COG5: variants seen among roughly 807,000 people sequenced by gnomAD.
COG5 encodes conserved oligomeric Golgi complex subunit 5.
In COG5, 86 loss-of-function variants were observed where a neutral mutation model predicts 110.4. The ratio of observed to expected loss-of-function variants is 0.78; its 90% confidence interval spans 0.65 to 0.93. COG5 has a LOEUF of 0.93. Ranked by LOEUF, COG5 falls within the 40% of genes least tolerant of loss-of-function variation. The pLI, the probability that COG5 is intolerant of heterozygous loss-of-function variation, is 0.00. For missense variants in COG5, 1,077 were observed against 987.0 expected (o/e 1.09, Z -1.22); for synonymous variants, 360 against 334.6 (o/e 1.08, Z -0.83).
intron 5 of COG5, among the ~76,000 whole-genome samples, chr7:107,545,779 CAAAA>C (rs59515448): frequency 2.6e-4 from 18 of 69,830 alleles, no homozygotes; most frequent in African/African-American, 8.6e-4. Flanking sequence ...GACTCCATCT[CAAAA>C]AAAAAAAAAA....
intron 19 of COG5, among the ~76,000 whole-genome samples, chr7:107,215,248 G>T (rs549430010): frequency 1.3e-5 from 2 of 152,184 alleles, no homozygotes; most frequent in African/African-American, 4.8e-5. Context: ...AGGAAACAAA[G>T]CATCCACAAA....
chr7:107,442,817 C>T (rs998391707), intron 6 of COG5, among the ~76,000 whole-genome samples: 28 of 151,796 alleles, frequency 1.8e-4, no homozygotes, highest in Admixed American at 1.8e-3. Flanking sequence ...AAAGAAACAC[C>T]AGAAAGAAAG....
chr7:107,518,582 A>C (rs1800110114), intron 6 of COG5, among the ~76,000 whole-genome samples: 1 of 152,198 alleles, frequency 6.6e-6, no homozygotes, highest in Admixed American at 6.5e-5. Flanking sequence ...TATAATCATA[A>C]ATGGATCAAT....
At chr7:107,403,878 G>T (rs1325376838) in intron 7 of COG5, among the ~76,000 whole-genome samples, 2 of 151,734 alleles carry the variant, frequency 1.3e-5, no homozygotes, top group Non-Finnish European at 2.9e-5. Context: ...CAATTTATCT[G>T]CAAATTACAG....
At chr7:107,518,149 CTG>C in intron 6 of COG5, among the ~76,000 whole-genome samples, 1 of 152,172 alleles carries the variant, frequency 6.6e-6, no homozygotes, top group South Asian at 2.1e-4. Flanking sequence ...GCAAGAGCTA[CTG>C]AAGGAAGCAC....
chr7:107,314,367 A>AAAACTC (rs1208551687), intron 11 of COG5, among the ~76,000 whole-genome samples: 2 of 152,100 alleles, frequency 1.3e-5, no homozygotes, highest in African/African-American at 4.8e-5. Context: ...TAAAATTTGA[A>AAAACTC]AAACTCATCT....
intron 18 of COG5, 109 bp from the exon 19 acceptor site, chr7:107,230,800 TG>T: frequency 1.2e-6 from 1 of 843,948 alleles, no homozygotes; most frequent in South Asian, 1.4e-5. Flanking sequence ...TAATTTTATC[TG>T]GACTGTAAGG....
At chr7:107,281,511 T>C (rs1805164387) in intron 13 of COG5, 112 bp from the exon 14 acceptor site, 1 of 796,358 alleles carries the variant, frequency 1.3e-6, no homozygotes, top group Non-Finnish European at 2.1e-6. Context: ...TTTTTATAGA[T>C]TTCACTGCTT....
intron 11 of COG5, among the ~76,000 whole-genome samples, chr7:107,316,012 G>C (rs1808702322): frequency 6.6e-6 from 1 of 152,108 alleles, no homozygotes; most frequent in Non-Finnish European, 1.5e-5. Flanking sequence ...TTAAAAAGTA[G>C]GTCATTGCTT....
intron 19 of COG5, among the ~76,000 whole-genome samples, chr7:107,213,286 C>T (rs1799303669): frequency 6.6e-6 from 1 of 152,162 alleles, no homozygotes; most frequent in South Asian, 2.1e-4. Context: ...AAGAGATGCC[C>T]ACCACAGTGC....
At chr7:107,215,045 G>A (rs912787312) in intron 19 of COG5, among the ~76,000 whole-genome samples, 1 of 151,832 alleles carries the variant, frequency 6.6e-6, no homozygotes, top group Non-Finnish European at 1.5e-5. Context: ...AAAATGTAGA[G>A]TTGTTGTATG....
At chr7:107,435,724 G>T (rs1450421047) in intron 6 of COG5, among the ~76,000 whole-genome samples, 2 of 152,096 alleles carry the variant, frequency 1.3e-5, no homozygotes, top group African/African-American at 4.8e-5. Context: ...CAGTTTCTGT[G>T]GAAAATGGTA....
At chr7:107,326,694 C>A (rs1394774295) in intron 10 of COG5, among the ~76,000 whole-genome samples, 1 of 152,088 alleles carries the variant, frequency 6.6e-6, no homozygotes, top group East Asian at 1.9e-4. Flanking sequence ...GTTGGAAGAC[C>A]TAATAATGTT....
chr7:107,292,929 T>C (rs1388647026), intron 12 of COG5, among the ~76,000 whole-genome samples: 3 of 152,176 alleles, frequency 2.0e-5, no homozygotes, highest in Non-Finnish European at 4.4e-5. Context: ...TGGAAAACTT[T>C]GTAATTTTGA....
chr7:107,258,978 T>TA (rs1410774670), intron 14 of COG5, among the ~76,000 whole-genome samples: 2 of 151,778 alleles, frequency 1.3e-5, no homozygotes, highest in African/African-American at 4.8e-5. Context: ...TTTTATAGAT[T>TA]AAAAAAAAGC....
chr7:107,203,173 A>G lies in COG5; in HGVS notation c.*343T>C. ...TGGGGGAAGCAGGGTACATGTTATAACTTGATCATATCCCTTTAAAAGAAG... is the reference window on the plus strand; with the variant it reads ...TGGGGGAAGCAGGGTACATGTTATAGCTTGATCATATCCCTTTAAAAGAAG... On this transcript the variant is annotated 3_prime_UTR_variant, in exon 22 of 22. Coordinates refer to ENST00000297135, the MANE Select transcript of COG5 (RefSeq NM_006348.5). 1 of 335,654 alleles carries G rather than the reference A, an allele frequency of 3.0e-6. No homozygotes were observed. The highest frequency in any genetic ancestry group is 5.7e-6 in the Non-Finnish European group (1 of 174,808). 20.8% of individuals were successfully genotyped at this position (335,654 alleles called of 1,614,324 possible). A position where few individuals can be genotyped will look rare whatever the true frequency, so the allele number is the denominator to read the frequency against.
intron 19 of COG5, among the ~76,000 whole-genome samples, chr7:107,225,037 T>A (rs1252874621): frequency 6.6e-6 from 1 of 152,152 alleles, no homozygotes; most frequent in Non-Finnish European, 1.5e-5. Context: ...AAGGCCTGTG[T>A]GTGTGTATGT....
rs746675115 is a variant in COG5, at chr7:107,201,386, T to G, written c.*2130A>C. 3.4e-6 allele frequency: 5 copies of G among 1,472,998 alleles called. No individual in the cohort carries two copies. The highest frequency in any genetic ancestry group is 4.7e-6 in the Non-Finnish European group (5 of 1,054,282). The allele number at this position is 1,472,998 out of a possible 1,614,324, so 91.2% of individuals were successfully genotyped here. On this transcript the variant is annotated 3_prime_UTR_variant, in exon 22 of 22. Transcript: ENST00000297135. ...ATTACTATGTATTGATTTGTAAACATTCACTGAGTTTAATTTTATTTCCAC... is the reference window on the plus strand; with the variant it reads ...ATTACTATGTATTGATTTGTAAACAGTCACTGAGTTTAATTTTATTTCCAC...
intron 10 of COG5, among the ~76,000 whole-genome samples, chr7:107,334,794 C>T (rs1810569616): frequency 6.6e-6 from 1 of 150,468 alleles, no homozygotes; most frequent in Non-Finnish European, 1.5e-5. Context: ...AAAAAAAAAA[C>T]AGTAATATGC....
Sources: gnomAD v4.1 joint callset for allele counts (sites outside exome capture counted in the v4.1 genomes callset) on GRCh38, gnomAD v4.1.1 for gene constraint, MANE v1.5 for transcripts, NCBI Gene and HGNC (gene_info 2026-07-23, HGNC 2026-07-21) for gene names.